Variants in OSBPL10 observed in about 807,000 individuals in gnomAD.
OSBPL10 encodes oxysterol binding protein like 10.
A neutral mutation model predicts 81.7 loss-of-function variants in OSBPL10; 49 were observed. That is an observed-to-expected ratio of 0.60 (90% CI 0.48 to 0.76). OSBPL10 has a LOEUF of 0.76. Ranked by LOEUF, OSBPL10 falls within the 30% of genes least tolerant of loss-of-function variation. The probability of loss-of-function intolerance (pLI) is 0.00; values close to 1 mark genes in which losing one functional copy is unlikely to be tolerated. For missense variants in OSBPL10, 923 were observed against 987.8 expected (o/e 0.93, Z 0.88); for synonymous variants, 419 against 383.6 (o/e 1.09, Z -1.08).
chr3:31,898,584 A>G (rs1252770454), intron 1 of OSBPL10, among the ~76,000 whole-genome samples: 2 of 151,826 alleles, frequency 1.3e-5, no homozygotes, highest in East Asian at 3.9e-4. Flanking sequence ...GTCTCTTAAA[A>G]AAAAAAAAAA....
intron 1 of OSBPL10, among the ~76,000 whole-genome samples, chr3:31,949,951 G>A (rs1697822504): frequency 2.0e-5 from 3 of 152,122 alleles, no homozygotes; most frequent in Admixed American, 2.0e-4. Flanking sequence ...CAGTTATGCA[G>A]TGGGTTGAAG....
chr3:32,055,472 A>C (rs1281020326), intron 1 of OSBPL10, among the ~76,000 whole-genome samples: 3 of 152,130 alleles, frequency 2.0e-5, no homozygotes, highest in Non-Finnish European at 4.4e-5. Context: ...CTGGGATTAC[A>C]GGCATGAGCC....
At chr3:31,876,401 G>C (rs1404598309) in intron 3 of OSBPL10, 32 bp downstream of exon 3, 3 of 1,551,632 alleles carry the variant, frequency 1.9e-6, no homozygotes, top group Non-Finnish European at 2.7e-6. Context: ...CTGGTTATTC[G>C]AATGCCTCCT....
chr3:31,889,970 G>T (rs1022701266), intron 1 of OSBPL10, among the ~76,000 whole-genome samples: 2 of 151,786 alleles, frequency 1.3e-5, no homozygotes, highest in Non-Finnish European at 2.9e-5. Flanking sequence ...CTTAAAGTTT[G>T]GTCCAGTTGC....
chr3:32,037,615 G>T, intron 2 of OSBPL10: 1 of 219,170 alleles, frequency 4.6e-6, no homozygotes, highest in South Asian at 7.3e-5. Flanking sequence ...GGATGCCATG[G>T]CATTTGATGG....
intron 1 of OSBPL10, among the ~76,000 whole-genome samples, chr3:32,066,007 G>GAAAGAGAA (rs1189173812): frequency 1.3e-4 from 6 of 46,182 alleles, no homozygotes; most frequent in African/African-American, 1.9e-4. Context: ...AAGAAAGAAA[G>GAAAGAGAA]AGAAAGAAAG....
At chr3:31,935,405 C>A (rs1366007668) in intron 1 of OSBPL10, among the ~76,000 whole-genome samples, 20 of 151,404 alleles carry the variant, frequency 1.3e-4, no homozygotes, top group Admixed American at 6.6e-5. Context: ...ACATAAAATT[C>A]TTTATTTCCT....
intron 7 of OSBPL10, among the ~76,000 whole-genome samples, chr3:31,686,711 G>A (rs969377315): frequency 2.6e-5 from 4 of 152,202 alleles, no homozygotes; most frequent in East Asian, 1.9e-4. Context: ...GCTGTCCTAG[G>A]ATCTTATCTG....
chr3:31,859,163 GTTTT>G (rs948517574), intron 3 of OSBPL10, among the ~76,000 whole-genome samples: 1 of 151,610 alleles, frequency 6.6e-6, no homozygotes, highest in African/African-American at 2.4e-5. Flanking sequence ...CAGAAACCAG[GTTTT>G]TTTTTTTGTT....
At chr3:31,788,095 T>G (rs1698905472) in intron 4 of OSBPL10, among the ~76,000 whole-genome samples, 1 of 152,192 alleles carries the variant, frequency 6.6e-6, no homozygotes, top group African/African-American at 2.4e-5. Flanking sequence ...GTTATTGTTT[T>G]TTTTCTCCCA....
intron 2 of OSBPL10, among the ~76,000 whole-genome samples, chr3:32,040,981 C>T (rs565887456): frequency 6.6e-6 from 1 of 152,200 alleles, no homozygotes; most frequent in Non-Finnish European, 1.5e-5. Context: ...TAAAATAGAA[C>T]TAGACCTCAA....
intron 2 of OSBPL10, among the ~76,000 whole-genome samples, chr3:32,031,329 C>T (rs6777531): frequency 0.89 from 134,853 of 152,216 alleles, 60,418 homozygotes; most frequent in East Asian, 1. Flanking sequence ...ATCAAGGTCA[C>T]TGGTATTTAA....
rs201483248 is a variant in OSBPL10, at chr3:31,670,961, G to A, written c.1749C>T (p.His583=). 5.2e-5 allele frequency: 84 copies of A among 1,612,954 alleles called. 1 individual carries two copies. The highest frequency in any genetic ancestry group is 1.7e-4 in the Middle Eastern group (1 of 6,054). Residue 583 remains histidine, a synonymous_variant, in exon 9 of 12, where the codon CAC becomes CAT. Transcript: ENST00000396556. ...GCAGGGTGAATACGTACTCCTCCCC[G>A]TGTTCCAGGAGCCTCAACACACCTC... ...IGEGVLRLLE[H]GEEYVFTLPS... is the part of the protein sequence containing the mutation.
At chr3:31,941,469 G>C (rs1476452918) in intron 1 of OSBPL10, among the ~76,000 whole-genome samples, 1 of 152,204 alleles carries the variant, frequency 6.6e-6, no homozygotes, top group African/African-American at 2.4e-5. Flanking sequence ...TCTGAGCTGT[G>C]TAAATTCCAA....
intron 2 of OSBPL10, among the ~76,000 whole-genome samples, chr3:31,878,194 G>A (rs1415839898): frequency 1.3e-5 from 2 of 152,074 alleles, no homozygotes; most frequent in Non-Finnish European, 2.9e-5. Context: ...TAATCCAAAG[G>A]ATATTAATGA....
At chr3:31,784,232 T>C (rs1483000447) in intron 4 of OSBPL10, among the ~76,000 whole-genome samples, 1 of 151,512 alleles carries the variant, frequency 6.6e-6, no homozygotes, top group Admixed American at 6.6e-5. Flanking sequence ...TGTGGTGGTA[T>C]GCGCCTTTAG....
At chr3:31,745,793 G>A (rs78790373) in intron 5 of OSBPL10, among the ~76,000 whole-genome samples, 2,776 of 152,316 alleles carry the variant, frequency 0.018, 83 homozygotes, top group African/African-American at 0.062. Flanking sequence ...GCCAAGTTCA[G>A]TAAATGATGG....
At chr3:31,838,501 A>C (rs1201738499) in intron 3 of OSBPL10, among the ~76,000 whole-genome samples, 4 of 131,426 alleles carry the variant, frequency 3.0e-5, no homozygotes, top group East Asian at 2.2e-4. Flanking sequence ...ACAGAGCAAG[A>C]CTCTGTCAAA....
At chr3:31,668,553 TAA>T (rs1700251292) in intron 10 of OSBPL10, 87 bp downstream of exon 10, 5 of 1,267,700 alleles carry the variant, frequency 3.9e-6, no homozygotes, top group Admixed American at 5.0e-5. Flanking sequence ...TTCCAGTCGC[TAA>T]GTTTCAAAGT....
Sources: gnomAD v4.1 joint callset for allele counts (sites outside exome capture counted in the v4.1 genomes callset) on GRCh38, gnomAD v4.1.1 for gene constraint, MANE v1.5 for transcripts, NCBI Gene and HGNC (gene_info 2026-07-23, HGNC 2026-07-21) for gene names.